WDR27: variants seen among roughly 807,000 people sequenced by gnomAD.
WDR27 encodes the protein WD repeat-containing protein 27.
A neutral mutation model predicts 114.4 loss-of-function variants in WDR27; 100 were observed. That is an observed-to-expected ratio of 0.87 (90% CI 0.74 to 1.03). The LOEUF (loss-of-function observed/expected upper bound fraction) is 1.03, where lower values mean the gene tolerates loss of function less well. WDR27 is among the 50% of genes least tolerant of loss of function. WDR27 has a pLI of 0.00. For missense variants in WDR27, 1,129 were observed against 1,092.9 expected (o/e 1.03, Z -0.47); for synonymous variants, 449 against 423.1 (o/e 1.06, Z -0.75).
rs914987523 is a variant in WDR27 at position 169,666,734 on chromosome 6, T to C, written c.712+402A>G. On this transcript the variant is annotated intron_variant, in intron 6 of 25. Coordinates refer to ENST00000448612, the MANE Select transcript of WDR27 (RefSeq NM_182552.5). ...TGCACACGTGCTCAGGACCTGACCA[T>C]GAGGCCAGGTGTGGCGCACGCCCAA... is the stretch of plus-strand genomic sequence containing the variant. 7 of 991,788 alleles carry C rather than the reference T, an allele frequency of 7.1e-6. No individual in the cohort carries two copies. In the South Asian group the frequency reaches 1.9e-4, roughly 27 times the overall value. 61.4% of individuals were successfully genotyped at this position (991,788 alleles called of 1,614,324 possible). A position where few individuals can be genotyped will look rare whatever the true frequency, so the allele number is the denominator to read the frequency against.
At chr6:169,450,309 G>A in the WDR27 span, among the ~76,000 whole-genome samples, 1 of 152,318 alleles carries the variant, frequency 6.6e-6, no homozygotes, top group Non-Finnish European at 1.5e-5. Flanking sequence ...CTGCAGACTC[G>A]CGGGAATGCC....
chr6:169,432,341 C>T, the WDR27 span, among the ~76,000 whole-genome samples: 3 of 152,210 alleles, frequency 2.0e-5, no homozygotes, highest in Admixed American at 6.5e-5. Flanking sequence ...ATCCAGTATA[C>T]TGGTAACTGA....
chr6:169,509,477 A>C (rs1013272770), intron 25 of WDR27, among the ~76,000 whole-genome samples: 2 of 152,062 alleles, frequency 1.3e-5, no homozygotes, highest in Non-Finnish European at 1.5e-5. Flanking sequence ...ATAATGCCGC[A>C]TATCTACAAC....
chr6:169,596,642 T>C (rs1447975308), intron 23 of WDR27, among the ~76,000 whole-genome samples: 1 of 152,028 alleles, frequency 6.6e-6, no homozygotes, highest in Non-Finnish European at 1.5e-5. Context: ...AACTGTGATA[T>C]CTAGAAGTTG....
At chr6:169,535,108 G>A (rs745417775) in intron 25 of WDR27, among the ~76,000 whole-genome samples, 1 of 152,158 alleles carries the variant, frequency 6.6e-6, no homozygotes, top group African/African-American at 2.4e-5. Flanking sequence ...TGCTAGCTCT[G>A]CTATGAACAA....
intron 25 of WDR27, among the ~76,000 whole-genome samples, chr6:169,464,403 A>G (rs548223746): frequency 3.9e-5 from 6 of 152,342 alleles, no homozygotes; most frequent in Admixed American, 3.9e-4. Context: ...TCAAAGACGT[A>G]AATGTGAGAT....
At chr6:169,428,531 A>C in the WDR27 span, among the ~76,000 whole-genome samples, 218 of 148,434 alleles carry the variant, frequency 1.5e-3, 1 homozygote, top group African/African-American at 5.1e-3. Flanking sequence ...TTAGTGGTCT[A>C]AAGTATTTGG....
At chr6:169,571,811 C>A (rs143582986) in intron 25 of WDR27, among the ~76,000 whole-genome samples, 5 of 152,164 alleles carry the variant, frequency 3.3e-5, no homozygotes, top group African/African-American at 1.2e-4. Flanking sequence ...GGACTCCAGC[C>A]TGGGTGACAG....
chr6:169,545,467 G>A (rs144642093), intron 25 of WDR27, among the ~76,000 whole-genome samples: 2,834 of 152,208 alleles, frequency 0.019, 79 homozygotes, highest in African/African-American at 0.063. Flanking sequence ...AGGCCAAAGC[G>A]GGTGGATCAC....
intron 25 of WDR27, among the ~76,000 whole-genome samples, chr6:169,555,846 C>T (rs1437210978): frequency 6.6e-6 from 1 of 152,104 alleles, no homozygotes; most frequent in South Asian, 2.1e-4. Flanking sequence ...TGAAGTTCCA[C>T]CAAGAACACC....
chr6:169,652,309 T>C (rs1446285022), intron 13 of WDR27, among the ~76,000 whole-genome samples: 4 of 152,240 alleles, frequency 2.6e-5, no homozygotes, highest in Non-Finnish European at 5.9e-5. Flanking sequence ...ACTGCAGTGG[T>C]GCAAGCTCGG....
chr6:169,481,755 C>T (rs576448901), intron 25 of WDR27, among the ~76,000 whole-genome samples: 2 of 152,166 alleles, frequency 1.3e-5, no homozygotes, highest in Admixed American at 6.5e-5. Context: ...CAACTCCAGA[C>T]GTGCCTCCTT....
chr6:169,586,009 G>A (rs531079926), intron 23 of WDR27, among the ~76,000 whole-genome samples: 2 of 152,194 alleles, frequency 1.3e-5, no homozygotes, highest in Admixed American at 6.5e-5. Context: ...GATCCGTGTC[G>A]TGAAAGACAT....
intron 2 of WDR27, among the ~76,000 whole-genome samples, chr6:169,688,580 T>A (rs553752164): frequency 6.6e-6 from 1 of 152,284 alleles, no homozygotes; most frequent in Admixed American, 6.5e-5. Flanking sequence ...ATCAGTTTCT[T>A]ACTGAAGAAA....
intron 23 of WDR27, 132 bp from the exon 24 acceptor site, chr6:169,583,066 G>C: frequency 1.4e-6 from 1 of 690,552 alleles, no homozygotes; most frequent in South Asian, 1.9e-5. Context: ...CAAGATGCCT[G>C]ACAAAACATC....
intron 24 of WDR27, among the ~76,000 whole-genome samples, chr6:169,581,301 C>T (rs940970008): frequency 6.6e-6 from 1 of 152,100 alleles, no homozygotes; most frequent in South Asian, 2.1e-4. Context: ...TGACTCCCCC[C>T]ATAAATCACT....
At chr6:169,694,674 G>A (rs1289464586) in intron 1 of WDR27, among the ~76,000 whole-genome samples, 1 of 152,218 alleles carries the variant, frequency 6.6e-6, no homozygotes. Context: ...AACAGTTATA[G>A]CACATGACTG....
chr6:169,592,725 T>C (rs1157766537), intron 23 of WDR27, among the ~76,000 whole-genome samples: 2 of 152,208 alleles, frequency 1.3e-5, no homozygotes, highest in Non-Finnish European at 2.9e-5. Flanking sequence ...AAAATAGTCA[T>C]GGAATTAATG....
chr6:169,647,244 G>A (rs913273707), intron 16 of WDR27, among the ~76,000 whole-genome samples: 8 of 152,174 alleles, frequency 5.3e-5, no homozygotes, highest in Admixed American at 1.3e-4. Context: ...CGTGAGAATC[G>A]GGCGACTGTC....
Sources: gnomAD v4.1 joint callset for allele counts (sites outside exome capture counted in the v4.1 genomes callset) on GRCh38, gnomAD v4.1.1 for gene constraint, MANE v1.5 for transcripts, NCBI Gene and HGNC (gene_info 2026-07-23, HGNC 2026-07-21) for gene names.